The following KLF12 variants were observed in gnomAD, a reference collection of about 807,000 sequenced individuals.
The protein encoded by KLF12 is KLF transcription factor 12.
A neutral mutation model predicts 37.8 loss-of-function variants in KLF12; 9 were observed. The ratio of observed to expected loss-of-function variants is 0.24; its 90% CI spans 0.14 to 0.42. The LOEUF (loss-of-function observed/expected upper bound fraction) is 0.42, where lower values mean the gene tolerates loss of function less well. KLF12 is among the 10% of genes least tolerant of loss of function. KLF12 has a pLI of 1.00. For missense variants in KLF12, 411 were observed against 516.0 expected (o/e 0.80, Z 1.97); for synonymous variants, 208 against 202.1 (o/e 1.03, Z -0.25).
intron 1 of KLF12, among the ~76,000 whole-genome samples, chr13:74,132,065 T>TA (rs1183806606): frequency 6.6e-6 from 1 of 152,172 alleles, no homozygotes; most frequent in Non-Finnish European, 1.5e-5. Flanking sequence ...TATGTGGTCT[T>TA]AAAAAATGCA....
intron 1 of KLF12, among the ~76,000 whole-genome samples, chr13:74,115,700 G>C (rs1262171764): frequency 5.2e-5 from 1 of 19,348 alleles, no homozygotes; most frequent in East Asian, 2.6e-3. Context: ...GTAAAACTCT[G>C]ACAAAAAAAA....
At chr13:73,727,343 T>C (rs1876738635) in intron 6 of KLF12, among the ~76,000 whole-genome samples, 1 of 152,190 alleles carries the variant, frequency 6.6e-6, no homozygotes, top group Non-Finnish European at 1.5e-5. Context: ...TTTAGATACA[T>C]GATCAATTGT....
chr13:73,736,966 T>C (rs1052145350), intron 6 of KLF12, among the ~76,000 whole-genome samples: 6 of 152,354 alleles, frequency 3.9e-5, no homozygotes, highest in Admixed American at 2.6e-4. Flanking sequence ...AATTTGCAGC[T>C]CTCTTCATTA....
At position 73,846,079 on chromosome 13, in the gene KLF12, A is replaced by T. The variant is rs755535662; in HGVS notation, c.418T>A (p.Ser140Thr). The T allele has an allele frequency of 1.2e-5, 20 of 1,613,984 alleles. No individual in the cohort carries two copies. Among genetic ancestry groups the T allele is most frequent in the Non-Finnish European group, 1.6e-5 (19 of 1,180,020 alleles). Residue 140 changes from serine (S) to threonine (T), a missense_variant, in exon 4 of 8, where the codon TCA (serine) becomes ACA (threonine). Transcript: ENST00000377669. The stretch of plus-strand genomic sequence containing the variant: ...AGGGGCCCTGGAGTTAATACTGTTG[A>T]CGAAGATGACGCTGAAGATACTGAT...
At chr13:73,881,157 C>A (rs1886961349) in intron 3 of KLF12, among the ~76,000 whole-genome samples, 1 of 151,990 alleles carries the variant, frequency 6.6e-6, no homozygotes, top group Non-Finnish European at 1.5e-5. Context: ...AAACTTACTC[C>A]ATTTTTATAA....
At chr13:74,092,221 C>T (rs1471702849) in intron 1 of KLF12, among the ~76,000 whole-genome samples, 4 of 148,626 alleles carry the variant, frequency 2.7e-5, no homozygotes, top group Non-Finnish European at 4.4e-5. Context: ...CACTTGAACC[C>T]GGGAGGTGGA....
At chr13:74,170,194 A>G in the KLF12 span, among the ~76,000 whole-genome samples, 1 of 152,266 alleles carries the variant, frequency 6.6e-6, no homozygotes, top group African/African-American at 2.4e-5. Context: ...AAAGTACATT[A>G]TAGAAAGCAT....
intron 6 of KLF12, among the ~76,000 whole-genome samples, chr13:73,758,775 T>C (rs1879355583): frequency 1.3e-5 from 2 of 152,288 alleles, no homozygotes; most frequent in African/African-American, 2.4e-5. Context: ...TATATCATCT[T>C]TACTGTTACT....
At chr13:74,304,866 G>GA in the KLF12 span, among the ~76,000 whole-genome samples, 33 of 151,958 alleles carry the variant, frequency 2.2e-4, no homozygotes, top group African/African-American at 8.0e-4. Context: ...TACAAGACAA[G>GA]AAAAAATATT....
chr13:74,047,373 C>T (rs934737291), intron 1 of KLF12, among the ~76,000 whole-genome samples: 3 of 151,502 alleles, frequency 2.0e-5, no homozygotes, highest in Non-Finnish European at 4.4e-5. Flanking sequence ...AGGCAGATCA[C>T]GAGGTCAGGA....
chr13:74,200,195 G>T, the KLF12 span, among the ~76,000 whole-genome samples: 7 of 152,064 alleles, frequency 4.6e-5, no homozygotes, highest in East Asian at 1.9e-4. Flanking sequence ...TGCTCAGGGG[G>T]GGGGTTTCCT....
the KLF12 span, among the ~76,000 whole-genome samples, chr13:74,241,446 C>T: frequency 8.5e-5 from 13 of 152,318 alleles, no homozygotes; most frequent in Admixed American, 7.8e-4. Flanking sequence ...GGCAGGCAGG[C>T]CTCCTTGAGC....
At chr13:73,787,557 A>G (rs539549484) in intron 5 of KLF12, among the ~76,000 whole-genome samples, 36 of 152,300 alleles carry the variant, frequency 2.4e-4, no homozygotes, top group Non-Finnish European at 4.6e-4. Flanking sequence ...ATTTCATTTA[A>G]TCTTTACATG....
chr13:74,018,084 CT>C (rs113838831), intron 1 of KLF12, among the ~76,000 whole-genome samples: 12,778 of 142,902 alleles, frequency 0.089, 853 homozygotes, highest in African/African-American at 0.2. Flanking sequence ...ATAATTACTG[CT>C]TTTTTTTTTT....
chr13:73,912,957 T>C (rs1438075901), intron 3 of KLF12, among the ~76,000 whole-genome samples: 3 of 149,412 alleles, frequency 2.0e-5, no homozygotes, highest in African/African-American at 5.0e-5. Context: ...TCCATGTTAT[T>C]ATCTTTCATA....
chr13:73,714,490 G>C (rs1875648184), intron 7 of KLF12, among the ~76,000 whole-genome samples: 1 of 152,204 alleles, frequency 6.6e-6, no homozygotes, highest in Admixed American at 6.5e-5. Context: ...GGACTTGCTT[G>C]CTGTGAGCCA....
At chr13:74,172,415 A>G in the KLF12 span, among the ~76,000 whole-genome samples, 1 of 152,176 alleles carries the variant, frequency 6.6e-6, no homozygotes, top group African/African-American at 2.4e-5. Flanking sequence ...AGAAGTTTGG[A>G]GACTCTTATC....
At chr13:73,834,792 G>A (rs765440721) in intron 4 of KLF12, among the ~76,000 whole-genome samples, 5 of 152,324 alleles carry the variant, frequency 3.3e-5, no homozygotes, top group Admixed American at 6.5e-5. Context: ...AATTACAGGC[G>A]TGAGCCACTG....
chr13:74,242,506 A>G, the KLF12 span, among the ~76,000 whole-genome samples: 838 of 152,336 alleles, frequency 5.5e-3, 5 homozygotes, highest in African/African-American at 0.019. Flanking sequence ...CCATGATTCA[A>G]TTATCTCCCA....
Sources: allele counts gnomAD v4.1 joint callset (sites outside exome capture counted in the v4.1 genomes callset), GRCh38; gene constraint gnomAD v4.1.1; transcripts MANE v1.5; gene names NCBI Gene and HGNC (gene_info 2026-07-23, HGNC 2026-07-21).